The following HACE1 variants were observed in gnomAD, a reference collection of about 807,000 sequenced individuals.
The protein encoded by HACE1 is E3 ubiquitin-protein ligase HACE1.
HACE1 carries 73 observed loss-of-function variants against 118.4 expected under a neutral mutation model. The observed-to-expected ratio is 0.62, with a 90% CI of 0.51 to 0.75. The LOEUF (loss-of-function observed/expected upper bound fraction) is 0.75, where lower values mean the gene tolerates loss of function less well. Among genes scored for constraint, HACE1 ranks in the 30% least tolerant of loss-of-function variants. HACE1 has a pLI of 0.00. For missense variants in HACE1, 749 were observed against 1,102.2 expected (o/e 0.68, Z 4.54); for synonymous variants, 368 against 374.8 (o/e 0.98, Z 0.21).
Position 104,772,009 on chromosome 6 carries a change from C to T in HACE1, c.1930G>A (p.Ala644Thr), listed in dbSNP as rs1278856446. Residue 644 changes from alanine to threonine, a missense_variant, in exon 18 of 24, where the codon GCT becomes ACT. Transcript: ENST00000262903. ...NPDHLNYFRF[A>T]GQILGLALNH... ...AACGCTAATCCCAAGATCTGCCCAG[C>T]AAACCGAAAATAGTTCAAGTGATCA... is the stretch of plus-strand genomic sequence containing the variant. 2 of 1,610,042 alleles carry T rather than the reference C, an allele frequency of 1.2e-6. No homozygotes were observed. Among genetic ancestry groups the T allele is most frequent in the Admixed American group, 3.3e-5 (2 of 59,978 alleles).
intron 6 of HACE1, among the ~76,000 whole-genome samples, chr6:104,816,991 C>A (rs2114997597): frequency 6.6e-6 from 1 of 152,280 alleles, no homozygotes; most frequent in South Asian, 2.1e-4. Context: ...CAATTTCTCC[C>A]ACTTGGAGCA....
chr6:104,745,053 A>T (rs1392131847), intron 20 of HACE1, among the ~76,000 whole-genome samples: 5 of 152,214 alleles, frequency 3.3e-5, no homozygotes, highest in Admixed American at 3.3e-4. Context: ...GGGGAAAGTC[A>T]TCAAGAAATC....
At chr6:104,859,172 T>C (rs1777047396) in intron 1 of HACE1, among the ~76,000 whole-genome samples, 1 of 152,180 alleles carries the variant, frequency 6.6e-6, no homozygotes, top group Non-Finnish European at 1.5e-5. Context: ...CAGCTTAAAG[T>C]AAACAGTATC....
chr6:104,858,913 A>C (rs1777014783), intron 1 of HACE1, among the ~76,000 whole-genome samples: 1 of 152,190 alleles, frequency 6.6e-6, no homozygotes, highest in African/African-American at 2.4e-5. Context: ...ATCCTCAGGG[A>C]CCATGCCTTA....
At position 104,777,061 on chromosome 6, in the gene HACE1, T is replaced by C. The variant is rs1781292442; in HGVS notation, c.1728A>G (p.Ala576=). ...GTACAGCAATCCCTTGCTTTAGCTT[T>C]GCACAATTTGCTTTTGACACAACTT... The part of the protein sequence containing the change: ...SCEVVSKANC[A]KLKQGIAVRF... The change falls in exon 16 of 24, where the codon GCA becomes GCG. Residue 576 remains alanine, a synonymous_variant. Transcript: ENST00000262903. 2 of 1,613,156 alleles carry C rather than the reference T, an allele frequency of 1.2e-6. No individual in the cohort carries two copies.
chr6:104,851,630 T>A (rs1289415666), intron 2 of HACE1, among the ~76,000 whole-genome samples: 1 of 152,042 alleles, frequency 6.6e-6, no homozygotes, highest in Non-Finnish European at 1.5e-5. Context: ...GCCTGGCTGC[T>A]CCCCTTGCCA....
intron 4 of HACE1, chr6:104,845,700 A>C (rs1385840892): frequency 2.0e-5 from 3 of 152,000 alleles, no homozygotes; most frequent in Admixed American, 6.6e-5. Context: ...GATGGTCTCG[A>C]TCTCCTAACC....
At chr6:104,835,328 G>C (rs1774416411) in intron 5 of HACE1, among the ~76,000 whole-genome samples, 1 of 151,944 alleles carries the variant, frequency 6.6e-6, no homozygotes, top group Non-Finnish European at 1.5e-5. Context: ...AAAAAGTAGG[G>C]GGAAAAAGGA....
At chr6:104,808,208 G>T (rs1467546742) in intron 7 of HACE1, among the ~76,000 whole-genome samples, 1 of 151,510 alleles carries the variant, frequency 6.6e-6, no homozygotes, top group Non-Finnish European at 1.5e-5. Context: ...AAAAAAAAGT[G>T]CTTAGAATTA....
Position 104,811,400 on chromosome 6 carries a change from G to C in HACE1, c.535-7C>G. On this transcript the variant is annotated splice_polypyrimidine_tract_variant and splice_region_variant and intron_variant, in intron 6 of 23. Transcript: ENST00000262903. ...CTAGCAAGCACTGCACTGTCTGAGGGGGAAAAAATAATTAAAAGTAAAGCC... is the reference window on the plus strand; with the variant it reads ...CTAGCAAGCACTGCACTGTCTGAGGCGGAAAAAATAATTAAAAGTAAAGCC... 1 of 1,379,566 alleles carries C rather than the reference G, an allele frequency of 7.2e-7. No individual in the cohort carries two copies. Among genetic ancestry groups the C allele is most frequent in the Non-Finnish European group, 1.0e-6 (1 of 967,914 alleles). The allele number at this position is 1,379,566 out of a possible 1,614,324, so 85.5% of individuals were successfully genotyped here.
chr6:104,785,133 T>C lies in HACE1; in HGVS notation c.1261A>G (p.Thr421Ala). The C allele has an allele frequency of 1.2e-6, 2 of 1,614,002 alleles. No homozygotes were observed. Among genetic ancestry groups the C allele is most frequent in the South Asian group, 1.1e-5 (1 of 91,074 alleles). The change falls in exon 12 of 24, where the codon ACT (threonine) becomes GCT (alanine). Residue 421 changes from threonine (T) to alanine (A), a missense_variant. Coordinates refer to ENST00000262903, the MANE Select transcript of HACE1 (RefSeq NM_020771.4). Reference protein sequence around the residue: ...PGPGSYENLSTGTRESKPDAL... With the variant: ...PGPGSYENLSAGTRESKPDAL... ...TCTGGTTTAGATTCCCTTGTGCCAG[T>C]GGACAGATTTTCATAGCTCCCAGGT...
intron 11 of HACE1, chr6:104,787,427 G>C (rs1309198338): frequency 6.6e-6 from 1 of 152,146 alleles, no homozygotes; most frequent in Non-Finnish European, 1.5e-5. Flanking sequence ...CATGATCCAA[G>C]TTGAAACTAT....
At chr6:104,832,705 T>G (rs1005390084) in intron 6 of HACE1, among the ~76,000 whole-genome samples, 1 of 152,048 alleles carries the variant, frequency 6.6e-6, no homozygotes, top group African/African-American at 2.4e-5. Context: ...AGCACTATTT[T>G]CTATTTCTTC....
intron 7 of HACE1, among the ~76,000 whole-genome samples, chr6:104,808,733 C>T (rs147508071): frequency 6.6e-6 from 1 of 152,150 alleles, no homozygotes; most frequent in East Asian, 1.9e-4. Flanking sequence ...ATTCCTTTCC[C>T]TTTCATTTAT....
intron 21 of HACE1, 72 bp downstream of exon 21, chr6:104,744,440 C>T: frequency 1.1e-6 from 1 of 916,146 alleles, no homozygotes; most frequent in Non-Finnish European, 1.8e-6. Context: ...AGTTTTCATC[C>T]AATAGTGCTG....
chr6:104,813,652 A>G (rs1355910688), intron 6 of HACE1, among the ~76,000 whole-genome samples: 1 of 138,352 alleles, frequency 7.2e-6, no homozygotes, highest in Non-Finnish European at 1.6e-5. Flanking sequence ...GTTGAGACCA[A>G]GAAACATTGG....
intron 22 of HACE1, among the ~76,000 whole-genome samples, chr6:104,736,382 T>C (rs1239285037): frequency 6.6e-6 from 1 of 152,094 alleles, no homozygotes; most frequent in Non-Finnish European, 1.5e-5. Context: ...CCTCCCAGGC[T>C]CAAGTGATCC....
chr6:104,759,382 A>G (rs1779079143), intron 19 of HACE1, among the ~76,000 whole-genome samples: 1 of 152,234 alleles, frequency 6.6e-6, no homozygotes, highest in Non-Finnish European at 1.5e-5. Context: ...ATTAGAACTC[A>G]GGATTAAGAA....
At chr6:104,756,832 C>T (rs1039138102) in intron 19 of HACE1, among the ~76,000 whole-genome samples, 27 of 152,326 alleles carry the variant, frequency 1.8e-4, no homozygotes, top group African/African-American at 6.5e-4. Context: ...GAATGGTACA[C>T]TCCTGCCCAA....
Sources: gnomAD v4.1 joint callset for allele counts (sites outside exome capture counted in the v4.1 genomes callset) on GRCh38, gnomAD v4.1.1 for gene constraint, MANE v1.5 for transcripts, NCBI Gene and HGNC (gene_info 2026-07-23, HGNC 2026-07-21) for gene names.